Variants in SBK2 observed in about 807,000 individuals in gnomAD.
SBK2 encodes SH3 domain binding kinase family member 2, also known as serine/threonine-protein kinase SBK2.
A neutral mutation model predicts 15.9 loss-of-function variants in SBK2; 18 were observed. The ratio of observed to expected loss-of-function variants is 1.13; its 90% CI spans 0.78 to 1.68. The LOEUF is 1.68. SBK2 is among the 40% of genes most tolerant of loss of function. The pLI, the probability that SBK2 is intolerant of heterozygous loss-of-function variation, is 0.00. For missense variants in SBK2, 581 were observed against 510.9 expected (o/e 1.14, Z -1.32); for synonymous variants, 284 against 246.8 (o/e 1.15, Z -1.41).
chr19:55,536,891 T>C (rs1245832263), intron 1 of SBK2, among the ~76,000 whole-genome samples, 163 bp downstream of exon 1: 1 of 151,364 alleles, frequency 6.6e-6, no homozygotes, highest in Non-Finnish European at 1.5e-5. Flanking sequence ...CCTGATTCTG[T>C]TTCCCTCACC....
At position 55,528,928 on chromosome 19, in the gene SBK2, C is replaced by T. The variant is rs188409686; in HGVS notation, c.*805G>A. 1.3e-5 allele frequency among the ~76,000 whole-genome samples: 2 copies of T among 152,258 alleles called. No homozygotes were observed. The highest frequency in any genetic ancestry group is 2.4e-5 in the African/African-American group (1 of 41,544). On this transcript the variant is annotated 3_prime_UTR_variant, in exon 4 of 4. Coordinates refer to ENST00000413299, the MANE Select transcript of SBK2 (RefSeq NM_001370096.2). ...AGCCATGCAGTTAGAAGAGGATACA[C>T]GTCCTAGAGCAACAGCAGAGTGGGG...
At chr19:55,536,324 C>T in intron 1 of SBK2, 28 bp from the exon 2 acceptor site, 2 of 1,494,494 alleles carry the variant, frequency 1.3e-6, no homozygotes, top group Non-Finnish European at 8.9e-7. Context: ...GGTGCCCAGG[C>T]TCAGGTCCCA....
intron 2 of SBK2, 29 bp from the exon 3 acceptor site, chr19:55,531,374 C>A (rs943822564): frequency 2.2e-5 from 35 of 1,556,812 alleles, no homozygotes; most frequent in Non-Finnish European, 2.5e-5. Flanking sequence ...GTATGGGAGG[C>A]GTGCAGCAGC....
rs1299007436 is a variant in SBK2, at chr19:55,531,206, G to A, written c.393C>T (p.His131=). The A allele has an allele frequency of 6.2e-7, 1 of 1,613,438 alleles. No individual in the cohort carries two copies. The highest frequency in any genetic ancestry group is 8.5e-7 in the Non-Finnish European group (1 of 1,179,988). ...TAYGIGIESA[H]SYSFLTEPVL... is the part of the protein sequence containing the mutation. The stretch of plus-strand genomic sequence containing the variant: ...CGGGCTCCGTCAGGAAGCTGTAGGA[G>A]TGTGCCGACTCGATGCCAATGCCGT... The change falls in exon 3 of 4, where the codon CAC becomes CAT. Residue 131 remains histidine (H), a synonymous_variant. Coordinates refer to ENST00000413299, the MANE Select transcript of SBK2 (RefSeq NM_001370096.2).
At chr19:55,536,505 G>C (rs116178208) in intron 1 of SBK2, among the ~76,000 whole-genome samples, 2,668 of 149,620 alleles carry the variant, frequency 0.018, 36 homozygotes, top group South Asian at 0.059. Flanking sequence ...CCCGCGTGCC[G>C]CCGCCGCCAC....
chr19:55,534,071 G>A (rs1988338185), intron 2 of SBK2, among the ~76,000 whole-genome samples: 1 of 152,222 alleles, frequency 6.6e-6, no homozygotes. Flanking sequence ...GAGGTGTGCT[G>A]TTGTGTGGCT....
chr19:55,535,718 T>TAC (rs1177201083), intron 2 of SBK2, among the ~76,000 whole-genome samples: 3 of 151,642 alleles, frequency 2.0e-5, no homozygotes, highest in South Asian at 2.1e-4. Context: ...GAAAGAAAAA[T>TAC]ACACACACAC....
rs1988218441 is a variant in SBK2, at chr19:55,530,239, A to G, written c.541T>C (p.Tyr181His). 12 of 1,526,648 alleles carry G rather than the reference A, an allele frequency of 7.9e-6. No individual in the cohort carries two copies. The highest frequency in any genetic ancestry group is 1.1e-5 in the Non-Finnish European group (12 of 1,137,030). 94.6% of individuals were successfully genotyped at this position (1,526,648 alleles called of 1,614,324 possible). The change falls in exon 4 of 4, where the codon TAC becomes CAC. Residue 181 changes from tyrosine to histidine, a missense_variant. Physicochemically the swap from Tyr to His is moderately conservative, Grantham distance 83. Transcript: ENST00000413299. ...ACGTTCTCCGGCTTCAGGTCCCGGT[A>G]CACCAGGCCGCGGGCGTGGATGTAC... is the stretch of plus-strand genomic sequence containing the variant. ...LEYIHARGLVYRDLKPENVLV... is the reference protein window; with the variant it reads ...LEYIHARGLVHRDLKPENVLV...
chr19:55,532,489 G>A (rs2123478131), intron 2 of SBK2, among the ~76,000 whole-genome samples: 1 of 151,204 alleles, frequency 6.6e-6, no homozygotes, highest in South Asian at 2.1e-4. Flanking sequence ...TTTTAGTAGA[G>A]ATGGGGTTTC....
chr19:55,530,023 G>C lies in SBK2; in HGVS notation c.757C>G (p.Leu253Val). Residue 253 changes from leucine to valine, a missense_variant, in exon 4 of 4, where the codon CTC becomes GTC. Physicochemically the swap from Leu to Val is conservative, Grantham distance 32. Transcript: ENST00000413299. ...ALDAWALGVLLFCLLTGYFPW... is the reference protein window; with the variant it reads ...ALDAWALGVLVFCLLTGYFPW... ...AAGTAGCCCGTGAGGAGGCAGAAGA[G>C]CAGGACGCCCAGCGCCCAGGCGTCC... The C allele has an allele frequency of 6.6e-7, 1 of 1,507,802 alleles. No individual in the cohort carries two copies. The highest frequency in any genetic ancestry group is 8.8e-7 in the Non-Finnish European group (1 of 1,131,506). 93.4% of individuals were successfully genotyped at this position (1,507,802 alleles called of 1,614,324 possible).
chr19:55,532,071 T>C lies in SBK2; in HGVS notation c.254-726A>G, dbSNP rs376183640. On this transcript the variant is annotated intron_variant, in intron 2 of 3. Coordinates refer to ENST00000413299, the MANE Select transcript of SBK2 (RefSeq NM_001370096.2). ...AATTTCTACCTTGCTTTCTTACAAG[T>C]CTATAGCCATGGAGATGGAGGGATA... Among the ~76,000 whole-genome samples, 4 of 152,198 alleles carry C rather than the reference T, an allele frequency of 2.6e-5. No homozygotes were observed. In the East Asian group the frequency reaches 5.8e-4, roughly 22 times the overall value.
Position 55,530,103 on chromosome 19 carries a change from G to A in SBK2, c.677C>T (p.Pro226Leu). 1 of 1,452,240 alleles carries A rather than the reference G, an allele frequency of 6.9e-7. No individual in the cohort carries two copies. Among genetic ancestry groups the A allele is most frequent in the Non-Finnish European group, 9.0e-7 (1 of 1,107,440 alleles). 90.0% of individuals were successfully genotyped at this position (1,452,240 alleles called of 1,614,324 possible). ...LAGPPIPYTA[P>L]ELCAPPPLPE... ...GAGCGGCGGGGGCGCGCAGAGCTCG[G>A]GGGCCGTGTAGGGGATGGGCGGCCC... The change falls in exon 4 of 4, where the codon CCC (proline) becomes CTC (leucine). Residue 226 changes from proline (P) to leucine (L), a missense_variant. Physicochemically the swap from Pro to Leu is moderately conservative, Grantham distance 98 (BLOSUM62 -3). Coordinates refer to ENST00000413299, the MANE Select transcript of SBK2 (RefSeq NM_001370096.2).
rs752351044 is a variant in SBK2, at chr19:55,536,252, C to T, written c.43G>A (p.Ala15Thr). 59 of 1,592,552 alleles carry T rather than the reference C, an allele frequency of 3.7e-5. 1 individual carries two copies. The South Asian group carries it at 5.5e-4, about 15-fold the overall frequency. ...QSEEGPAEAG[A>T]SEDSEEEGLG... Reference sequence around the variant, plus strand: ...CCCTCCTCCTCGCTGTCCTCCGAAGCCCCTGCCTCCGCCGGCCCTTCCTCA... The same window carrying T: ...CCCTCCTCCTCGCTGTCCTCCGAAGTCCCTGCCTCCGCCGGCCCTTCCTCA... The change falls in exon 2 of 4, where the codon GCT (alanine) becomes ACT (threonine). Residue 15 changes from alanine to threonine, a missense_variant. Physicochemically the swap from Ala to Thr is moderately conservative, Grantham distance 58. Coordinates refer to ENST00000413299, the MANE Select transcript of SBK2 (RefSeq NM_001370096.2).
chr19:55,531,473 C>T, intron 2 of SBK2, 128 bp from the exon 3 acceptor site: 1 of 694,604 alleles, frequency 1.4e-6, no homozygotes, highest in Non-Finnish European at 2.5e-6. Context: ...CCATCTCCAC[C>T]TCCTCCAACT....
At position 55,529,064 on chromosome 19, in the gene SBK2, C is replaced by T. The variant is rs1988177511; in HGVS notation, c.*669G>A. ...GCCAGGAATTTGAGACTAGCCTGAG[C>T]AACACAGCAAGACCCGCCCCCAACC... On this transcript the variant is annotated 3_prime_UTR_variant, in exon 4 of 4. Transcript: ENST00000413299. Among the ~76,000 whole-genome samples the T allele has an allele frequency of 1.3e-5, 2 of 152,162 alleles. No individual in the cohort carries two copies. Among genetic ancestry groups the T allele is most frequent in the African/African-American group, 2.4e-5 (1 of 41,440 alleles).
In SBK2 at chr19:55,529,662, G is replaced by A. The variant is rs1843334823; in HGVS notation, c.*71C>T. The A allele has an allele frequency of 6.5e-7, 1 of 1,539,236 alleles. No homozygotes were observed. Among genetic ancestry groups the A allele is most frequent in the South Asian group, 1.2e-5 (1 of 83,784 alleles). ...CCCATGGATGAAAACACACCGAGGAGACACCAAAAGCCGTTGGCCTTGGGG... is the reference window on the plus strand; with the variant it reads ...CCCATGGATGAAAACACACCGAGGAAACACCAAAAGCCGTTGGCCTTGGGG... On this transcript the variant is annotated 3_prime_UTR_variant, in exon 4 of 4. Coordinates refer to ENST00000413299, the MANE Select transcript of SBK2 (RefSeq NM_001370096.2).
rs35461460 is a variant in SBK2, at chr19:55,534,704, C to CAAAAA, written c.253+1333_253+1337dup. On this transcript the variant is annotated intron_variant, in intron 2 of 3. Transcript: ENST00000413299. Reference sequence around the variant, plus strand: ...CCTGGACAACAGCGAGACCCTGTCTCAAAAAAAAAAAAAAAAGAAAAAAAA... The same window carrying CAAAAA: ...CCTGGACAACAGCGAGACCCTGTCTCAAAAAAAAAAAAAAAAAAAAAGAAAAAAAA... Among the ~76,000 whole-genome samples, 50 of 82,586 alleles carry CAAAAA rather than the reference C, an allele frequency of 6.1e-4. 1 individual carries two copies. Among genetic ancestry groups the CAAAAA allele is most frequent in the African/African-American group, 2.4e-3 (44 of 18,470 alleles). The allele number at this position is 82,586 out of a possible 152,430, so 54.2% of individuals were successfully genotyped here.
At position 55,529,920 on chromosome 19, in the gene SBK2, C is replaced by A; in HGVS notation, c.860G>T (p.Arg287Leu). 2 of 1,533,394 alleles carry A rather than the reference C, an allele frequency of 1.3e-6. No homozygotes were observed. Among genetic ancestry groups the A allele is most frequent in the East Asian group, 2.4e-5 (1 of 41,722 alleles). 95.0% of individuals were successfully genotyped at this position (1,533,394 alleles called of 1,614,324 possible). Residue 287 changes from arginine to leucine, a missense_variant, in exon 4 of 4, where the codon CGG becomes CTG. Transcript: ENST00000413299. ...FLIWQASGQPRDRPQPWFGLA... is the reference protein window; with the variant it reads ...FLIWQASGQPLDRPQPWFGLA... ...GCCGAACCAGGGCTGAGGGCGGTCC[C>A]GGGGCTGGCCCGACGCCTGCCAGAT... is the stretch of plus-strand genomic sequence containing the variant.
In SBK2 at chr19:55,530,165, G is replaced by A. The variant is rs1165551735; in HGVS notation, c.615C>T (p.Gly205=). ...ACRRFKLTDF[G]HTRPRGTLLR... ...GCAGCGTCCCGCGAGGCCTCGTGTG[G>A]CCGAAGTCGGTCAGCTTGAAGCGCC... Residue 205 remains glycine (G), a synonymous_variant, in exon 4 of 4, where the codon GGC becomes GGT. Coordinates refer to ENST00000413299, the MANE Select transcript of SBK2 (RefSeq NM_001370096.2). The A allele has an allele frequency of 6.6e-7, 1 of 1,523,952 alleles. No individual in the cohort carries two copies. The allele number at this position is 1,523,952 out of a possible 1,614,324, so 94.4% of individuals were successfully genotyped here. A position where few individuals can be genotyped will look rare whatever the true frequency, so the allele number is the denominator to read the frequency against.
Sources: allele counts gnomAD v4.1 joint callset (sites outside exome capture counted in the v4.1 genomes callset), GRCh38; gene constraint gnomAD v4.1.1; transcripts MANE v1.5; gene names NCBI Gene and HGNC (gene_info 2026-07-23, HGNC 2026-07-21).